The following TMEFF2 variants were observed in gnomAD, a reference collection of about 807,000 sequenced individuals.
TMEFF2 encodes tomoregulin-2.
In TMEFF2, 28 loss-of-function variants were observed where a neutral mutation model predicts 53.8. That is an observed-to-expected ratio of 0.52 (90% confidence interval 0.39 to 0.71). TMEFF2 has a LOEUF of 0.71. Ranked by LOEUF, TMEFF2 falls within the 30% of genes least tolerant of loss-of-function variation. The probability of loss-of-function intolerance (pLI) is 0.00; values close to 1 mark genes in which losing one functional copy is unlikely to be tolerated. For missense variants in TMEFF2, 353 were observed against 455.2 expected (o/e 0.78, Z 2.04); for synonymous variants, 162 against 166.3 (o/e 0.97, Z 0.20).
chr2:192,127,333 A>C lies in TMEFF2; in HGVS notation c.439+52335T>G, dbSNP rs75979536. ...GCAAATTATACAGGGCTCATTAAAT[A>C]TCACAGGCCACGTAATTCATTGCTG... On this transcript the variant is annotated intron_variant, in intron 4 of 9. Transcript: ENST00000272771. Among the ~76,000 whole-genome samples, 612 of 152,378 alleles carry C rather than the reference A, an allele frequency of 4.0e-3. 1 individual carries two copies. The highest frequency in any genetic ancestry group is 0.024 in the East Asian group (122 of 5,188).
In TMEFF2 at chr2:191,949,657, C is replaced by T. The variant is rs1469104418; in HGVS notation, c.*654G>A. The T allele has an allele frequency of 5.1e-6, 5 of 985,170 alleles. No individual in the cohort carries two copies. The highest frequency in any genetic ancestry group is 6.0e-6 in the Non-Finnish European group (5 of 829,896). 61.0% of individuals were successfully genotyped at this position (985,170 alleles called of 1,614,324 possible). On this transcript the variant is annotated 3_prime_UTR_variant, in exon 10 of 10. Transcript: ENST00000272771. ...AAAAACCAATATTTTCTTTCCCTCT[C>T]CTTTATGAGTTATAAAACACTTTCC... is the stretch of plus-strand genomic sequence containing the variant.
chr2:191,964,344 CTTTCTTTCTTTCTTTCTTTCTTTCTT>C lies in TMEFF2; in HGVS notation c.746-7992_746-7967del, dbSNP rs1559063327. Among the ~76,000 whole-genome samples the C allele has an allele frequency of 3.0e-4, 23 of 77,692 alleles. No individual in the cohort carries two copies. In the East Asian group the frequency reaches 4.2e-3, roughly 14 times the overall value. 51.0% of individuals were successfully genotyped at this position (77,692 alleles called of 152,430 possible). On this transcript the variant is annotated intron_variant, in intron 7 of 9. Transcript: ENST00000272771. ...CCTTCCTTTCTTTCCTTCTTTCTTT[CTTTCTTTCTTTCTTTCTTTCTTTCTT>C]TCTCTTTCTTTCTTTCTTTCTTTCT...
intron 4 of TMEFF2, among the ~76,000 whole-genome samples, chr2:192,130,499 C>T (rs184454610): frequency 3.3e-5 from 5 of 152,104 alleles, no homozygotes; most frequent in Non-Finnish European, 5.9e-5. Context: ...GGCCCTGCCC[C>T]GCCTTGACTG....
At chr2:192,081,128 C>T (rs1359844056) in intron 4 of TMEFF2, among the ~76,000 whole-genome samples, 1 of 152,174 alleles carries the variant, frequency 6.6e-6, no homozygotes, top group Non-Finnish European at 1.5e-5. Context: ...ATCCAAAACA[C>T]ACATAAATAA....
chr2:192,107,190 A>C (rs1297856979), intron 4 of TMEFF2, among the ~76,000 whole-genome samples: 1 of 151,830 alleles, frequency 6.6e-6, no homozygotes, highest in Non-Finnish European at 1.5e-5. Context: ...TTAGAGAATT[A>C]CATTATGATA....
chr2:192,186,943 G>T (rs1468398748), intron 2 of TMEFF2, among the ~76,000 whole-genome samples: 1 of 152,146 alleles, frequency 6.6e-6, no homozygotes, highest in Non-Finnish European at 1.5e-5. Context: ...GCTTCTGAGG[G>T]ATGCAGTAAG....
intron 4 of TMEFF2, among the ~76,000 whole-genome samples, chr2:192,073,246 C>T (rs573718505): frequency 1.5e-4 from 23 of 151,966 alleles, no homozygotes; most frequent in African/African-American, 5.5e-4. Context: ...CTGTACCTGG[C>T]AGAATCCCAG....
intron 5 of TMEFF2, among the ~76,000 whole-genome samples, chr2:192,000,190 T>G (rs1237546056): frequency 6.6e-6 from 1 of 152,158 alleles, no homozygotes; most frequent in East Asian, 1.9e-4. Flanking sequence ...ACTCATATTT[T>G]AAATTTTTAT....
chr2:192,190,114 T>C (rs1300907517), intron 2 of TMEFF2, among the ~76,000 whole-genome samples: 1 of 152,192 alleles, frequency 6.6e-6, no homozygotes, highest in African/African-American at 2.4e-5. Context: ...TACCAAAATC[T>C]TCTGTGGCAC....
chr2:191,974,868 C>A (rs953442266), intron 7 of TMEFF2, among the ~76,000 whole-genome samples: 1 of 151,748 alleles, frequency 6.6e-6, no homozygotes, highest in Non-Finnish European at 1.5e-5. Flanking sequence ...ATTTAAGATA[C>A]CATCAATTGG....
intron 5 of TMEFF2, among the ~76,000 whole-genome samples, chr2:192,042,165 A>T (rs1229300958): frequency 6.6e-6 from 1 of 151,992 alleles, no homozygotes; most frequent in Non-Finnish European, 1.5e-5. Context: ...CACACCACTG[A>T]ACTCCAGCCT....
Position 191,990,730 on chromosome 2 carries a change from T to C in TMEFF2, c.745+7532A>G, listed in dbSNP as rs568164449. On this transcript the variant is annotated intron_variant, in intron 7 of 9. Transcript: ENST00000272771. Reference sequence around the variant, plus strand: ...GACCTGTCTTTTCTTTACTATGAGTTCATTAAAAACATTTGTTTTGATCTC... The same window carrying C: ...GACCTGTCTTTTCTTTACTATGAGTCCATTAAAAACATTTGTTTTGATCTC... Among the ~76,000 whole-genome samples the C allele has an allele frequency of 1.1e-3, 156 of 148,116 alleles. 1 individual carries two copies. Among genetic ancestry groups the C allele is most frequent in the African/African-American group, 3.8e-3 (153 of 40,268 alleles).
chr2:192,076,770 C>T (rs758770362), intron 4 of TMEFF2, among the ~76,000 whole-genome samples: 1 of 152,150 alleles, frequency 6.6e-6, no homozygotes, highest in Non-Finnish European at 1.5e-5. Context: ...GGAACTCAGG[C>T]TCTGGGGCAG....
chr2:192,173,347 A>G (rs1464741641), intron 4 of TMEFF2, among the ~76,000 whole-genome samples: 1 of 151,900 alleles, frequency 6.6e-6, no homozygotes, highest in Non-Finnish European at 1.5e-5. Flanking sequence ...CATTTTATAA[A>G]TCATTATACA....
chr2:191,953,913 G>A (rs1342367163), intron 8 of TMEFF2, 76 bp from the exon 9 acceptor site: 205 of 954,020 alleles, frequency 2.1e-4, no homozygotes, highest in Middle Eastern at 9.8e-4. Flanking sequence ...TTTTTGAGAC[G>A]GAGTCTCGCT....
intron 4 of TMEFF2, among the ~76,000 whole-genome samples, chr2:192,096,354 T>A (rs532954219): frequency 6.6e-6 from 1 of 152,142 alleles, no homozygotes; most frequent in African/African-American, 2.4e-5. Context: ...GCTAGATTAA[T>A]TTTTAGTGAT....
chr2:192,190,779 G>A (rs1691443162), intron 2 of TMEFF2, among the ~76,000 whole-genome samples: 1 of 151,914 alleles, frequency 6.6e-6, no homozygotes, highest in Non-Finnish European at 1.5e-5. Context: ...CTTAGTGGGA[G>A]GTTGAATTCC....
chr2:192,154,162 C>T (rs780064304), intron 4 of TMEFF2, among the ~76,000 whole-genome samples: 60 of 151,870 alleles, frequency 4.0e-4, no homozygotes, highest in Non-Finnish European at 8.0e-4. Flanking sequence ...AAATGTTACA[C>T]TTGGCAATGT....
chr2:192,136,204 C>T (rs952611542), intron 4 of TMEFF2, among the ~76,000 whole-genome samples: 1 of 152,182 alleles, frequency 6.6e-6, no homozygotes, highest in African/African-American at 2.4e-5. Flanking sequence ...TATAATCCAT[C>T]TTTAATTGGA....
Sources: gnomAD v4.1 joint callset for allele counts (sites outside exome capture counted in the v4.1 genomes callset) on GRCh38, gnomAD v4.1.1 for gene constraint, MANE v1.5 for transcripts, NCBI Gene and HGNC (gene_info 2026-07-23, HGNC 2026-07-21) for gene names.